Variants in DACH2 observed in about 807,000 individuals in gnomAD.
DACH2 encodes the protein dachshund family transcription factor 2.
A neutral mutation model predicts 35.8 loss-of-function variants in DACH2; 17 were observed. The ratio of observed to expected loss-of-function variants is 0.48; its 90% CI spans 0.33 to 0.71. The LOEUF is 0.71. DACH2 is among the 30% of genes least tolerant of loss of function. The pLI, the probability that DACH2 is intolerant of heterozygous loss-of-function variation, is 0.02. For synonymous variants in DACH2, 195 were observed against 177.3 expected (o/e 1.10, Z -0.79); for missense variants, 469 against 472.7 (o/e 0.99, Z 0.07).
chrX:86,324,877 C>T (rs1052145180), intron 1 of DACH2, among the ~76,000 whole-genome samples: 7 of 110,370 alleles, frequency 6.3e-5, no homozygotes, highest in African/African-American at 3.3e-5. Flanking sequence ...CAGATCCCAC[C>T]GTGATCAGTC....
At chrX:86,732,000 A>C (rs1203982744) in intron 6 of DACH2, among the ~76,000 whole-genome samples, 1 of 112,336 alleles carries the variant, frequency 8.9e-6, no homozygotes, top group Non-Finnish European at 1.9e-5. Flanking sequence ...TATAAAATTC[A>C]AACTTCAGTT....
chrX:86,555,521 C>A (rs1274396283), intron 3 of DACH2, among the ~76,000 whole-genome samples: 6 of 111,373 alleles, frequency 5.4e-5, no homozygotes, highest in Non-Finnish European at 9.4e-5. Context: ...AGGAAAACTG[C>A]TAATTGAGAT....
At chrX:86,335,138 A>G (rs2035282887) in intron 1 of DACH2, among the ~76,000 whole-genome samples, 1 of 111,879 alleles carries the variant, frequency 8.9e-6, no homozygotes, top group African/African-American at 3.2e-5. Flanking sequence ...TGGTACCAGT[A>G]CCATGCTGTT....
At chrX:86,163,961 T>C (rs2030855773) in intron 1 of DACH2, among the ~76,000 whole-genome samples, 1 of 111,933 alleles carries the variant, frequency 8.9e-6, no homozygotes, top group Admixed American at 9.5e-5. Context: ...GATTGCTGGG[T>C]CAAATGGTAG....
chrX:86,286,113 C>CTGTTT (rs2034140341), intron 1 of DACH2, among the ~76,000 whole-genome samples: 1 of 67,383 alleles, frequency 1.5e-5, no homozygotes, highest in African/African-American at 5.3e-5. Flanking sequence ...TTCAGCCAGT[C>CTGTTT]TGTTTTTTTT....
intron 1 of DACH2, among the ~76,000 whole-genome samples, chrX:86,212,463 A>G (rs186407252): frequency 1.8e-5 from 2 of 111,566 alleles, no homozygotes; most frequent in African/African-American, 6.5e-5. Context: ...GTATTATAAC[A>G]TATACCTAAT....
chrX:86,474,327 G>T (rs758740728), intron 2 of DACH2, among the ~76,000 whole-genome samples: 13 of 111,453 alleles, frequency 1.2e-4, no homozygotes, highest in Non-Finnish European at 2.3e-4. Context: ...TGTCTTTGTT[G>T]ATTGTTTCCT....
chrX:86,796,348 G>A (rs1176095516), intron 7 of DACH2, among the ~76,000 whole-genome samples: 2 of 111,481 alleles, frequency 1.8e-5, no homozygotes, highest in East Asian at 2.8e-4. Context: ...GCGCTCCTTG[G>A]TGTGTTTACA....
At chrX:86,454,627 G>A (rs1008674146) in intron 2 of DACH2, among the ~76,000 whole-genome samples, 2 of 112,003 alleles carry the variant, frequency 1.8e-5, no homozygotes, top group African/African-American at 6.5e-5. Flanking sequence ...TATCAGGGCC[G>A]GTTATATTCT....
intron 2 of DACH2, among the ~76,000 whole-genome samples, chrX:86,410,842 C>G (rs1345868815): frequency 9.4e-6 from 1 of 106,864 alleles, no homozygotes; most frequent in Non-Finnish European, 1.9e-5. Flanking sequence ...TTCATGTTCA[C>G]TGTCCTGACC....
intron 3 of DACH2, among the ~76,000 whole-genome samples, chrX:86,602,918 C>T (rs888940587): frequency 1.8e-5 from 2 of 111,114 alleles, no homozygotes; most frequent in African/African-American, 6.5e-5. Flanking sequence ...AGATTTTCTC[C>T]TATGTTTTCC....
At chrX:86,295,483 C>T (rs986505102) in intron 1 of DACH2, among the ~76,000 whole-genome samples, 13 of 111,717 alleles carry the variant, frequency 1.2e-4, no homozygotes, top group African/African-American at 3.3e-4. Flanking sequence ...TTTAACACTT[C>T]GGCTTGCTCA....
intron 3 of DACH2, among the ~76,000 whole-genome samples, chrX:86,650,572 T>A (rs972926780): frequency 4.5e-5 from 5 of 111,709 alleles, no homozygotes; most frequent in Non-Finnish European, 7.5e-5. Context: ...TACTACATAG[T>A]GAATTCTGTC....
chrX:86,765,374 T>C (rs1400613949), intron 7 of DACH2, among the ~76,000 whole-genome samples: 4 of 111,569 alleles, frequency 3.6e-5, no homozygotes, highest in African/African-American at 1.3e-4. Flanking sequence ...GATTTAACAC[T>C]TACATTTTTA....
intron 1 of DACH2, among the ~76,000 whole-genome samples, chrX:86,153,004 A>C (rs1569284376): frequency 8.9e-6 from 1 of 111,758 alleles, no homozygotes; most frequent in Non-Finnish European, 1.9e-5. Context: ...TTTTTCCTAA[A>C]TATGAAAATT....
At chrX:86,307,662 A>G (rs1167209370) in intron 1 of DACH2, among the ~76,000 whole-genome samples, 1 of 111,267 alleles carries the variant, frequency 9.0e-6, no homozygotes, top group East Asian at 2.8e-4. Flanking sequence ...GATTCTCCTC[A>G]GAAGCCACCC....
At chrX:86,318,915 C>A (rs1602398752) in intron 1 of DACH2, among the ~76,000 whole-genome samples, 1 of 112,220 alleles carries the variant, frequency 8.9e-6, no homozygotes, top group African/African-American at 3.2e-5. Context: ...AAAGCAAAAA[C>A]CACTCATCAG....
chrX:86,193,252 C>T (rs935189908), intron 1 of DACH2, among the ~76,000 whole-genome samples: 3 of 111,492 alleles, frequency 2.7e-5, no homozygotes, highest in Non-Finnish European at 5.7e-5. Flanking sequence ...GGAAAATTTT[C>T]CTGCCTTCTT....
At chrX:86,466,035 T>G (rs1201442466) in intron 2 of DACH2, among the ~76,000 whole-genome samples, 1 of 111,717 alleles carries the variant, frequency 9.0e-6, no homozygotes, top group Non-Finnish European at 1.9e-5. Context: ...ATTTTCATGC[T>G]GCTGATAAAG....
Sources: gnomAD v4.1 joint callset for allele counts (sites outside exome capture counted in the v4.1 genomes callset) on GRCh38, gnomAD v4.1.1 for gene constraint, MANE v1.5 for transcripts, NCBI Gene and HGNC (gene_info 2026-07-23, HGNC 2026-07-21) for gene names.